DMD: variants seen among roughly 807,000 people sequenced by gnomAD.
DMD encodes the protein mutant dystrophin.
A neutral mutation model predicts 330.1 loss-of-function variants in DMD; 63 were observed. That is an observed-to-expected ratio of 0.19 (90% confidence interval 0.16 to 0.24). DMD has a LOEUF of 0.24. DMD is among the 10% of genes least tolerant of loss of function. The pLI is 1.00. For missense variants in DMD, 3,344 were observed against 2,684.1 expected (o/e 1.25, Z -5.43); for synonymous variants, 1,223 against 959.8 (o/e 1.27, Z -5.07).
chrX:31,845,551 T>C (rs761241379), intron 48 of DMD, among the ~76,000 whole-genome samples: 1 of 110,325 alleles, frequency 9.1e-6, no homozygotes, highest in East Asian at 2.9e-4. Context: ...AGCGGCAGAT[T>C]GGAGGCAAGA....
intron 44 of DMD, among the ~76,000 whole-genome samples, chrX:32,101,002 G>A (rs948746791): frequency 1.8e-5 from 2 of 111,779 alleles, no homozygotes; most frequent in Admixed American, 1.9e-4. Flanking sequence ...ACGAGTTGAT[G>A]TCTGGTTGCC....
At chrX:32,930,511 C>G (rs1297191219) in intron 2 of DMD, among the ~76,000 whole-genome samples, 4 of 110,991 alleles carry the variant, frequency 3.6e-5, no homozygotes, top group East Asian at 5.6e-4. Flanking sequence ...TATTTCCCAA[C>G]TAATCAAGAC....
At chrX:32,558,882 A>G (rs5928010) in intron 16 of DMD, among the ~76,000 whole-genome samples, 55,094 of 105,470 alleles carry the variant, frequency 0.52, 12,392 homozygotes, top group African/African-American at 0.83. Context: ...ATAGTTGGAG[A>G]TAGCAAAATG....
chrX:33,198,948 G>A (rs2051112679), intron 1 of DMD, among the ~76,000 whole-genome samples: 1 of 108,371 alleles, frequency 9.2e-6, no homozygotes, highest in Non-Finnish European at 1.9e-5. Flanking sequence ...CAAAAGTACT[G>A]TAGATAAAAA....
Position 31,412,978 on chromosome X carries a change from T to G in DMD, c.9084+31503A>C, listed in dbSNP as rs113221420. On this transcript the variant is annotated intron_variant, in intron 60 of 78. Transcript: ENST00000357033. ...ATGCATGAAGAAGCTGTCCTGTATT[T>G]TCATGTTATCTTCTTACTGAACATT... Among the ~76,000 whole-genome samples, 1,007 of 111,988 alleles carry G rather than the reference T, an allele frequency of 9.0e-3. 1 individual carries two copies. Among genetic ancestry groups the G allele is most frequent in the Non-Finnish European group, 0.015 (810 of 53,236 alleles).
intron 2 of DMD, among the ~76,000 whole-genome samples, chrX:32,852,232 TGAGACCCCC>T (rs1237316684): frequency 9.0e-5 from 10 of 111,569 alleles, no homozygotes; most frequent in Non-Finnish European, 3.8e-5. Context: ...GGCAGAGTCC[TGAGACCCCC>T]CATTCCAGGC....
At chrX:31,933,041 G>C (rs2094878632) in intron 45 of DMD, among the ~76,000 whole-genome samples, 1 of 111,528 alleles carries the variant, frequency 9.0e-6, no homozygotes, top group South Asian at 3.8e-4. Flanking sequence ...TGGGGGGTTG[G>C]GGGTGGGGAC....
intron 44 of DMD, among the ~76,000 whole-genome samples, chrX:32,154,632 A>G (rs2096821727): frequency 8.9e-6 from 1 of 111,865 alleles, no homozygotes; most frequent in Admixed American, 9.5e-5. Flanking sequence ...GGCTGCTTTC[A>G]GAAAACAATC....
chrX:32,828,925 T>C (rs183345333), intron 4 of DMD, among the ~76,000 whole-genome samples: 13 of 111,812 alleles, frequency 1.2e-4, no homozygotes, highest in African/African-American at 3.9e-4. Flanking sequence ...CATGTGTGAA[T>C]TGTCTGTTAA....
chrX:32,732,308 G>T (rs2067797995), intron 7 of DMD, among the ~76,000 whole-genome samples: 3 of 111,163 alleles, frequency 2.7e-5, no homozygotes, highest in African/African-American at 9.8e-5. Flanking sequence ...AAAGTGATGG[G>T]GAGAATGGAA....
At chrX:32,669,478 A>C (rs2061504535) in intron 9 of DMD, among the ~76,000 whole-genome samples, 1 of 111,883 alleles carries the variant, frequency 8.9e-6, no homozygotes, top group African/African-American at 3.3e-5. Flanking sequence ...GATCAACAAA[A>C]CAATCAATCA....
rs530568832 is a variant in DMD, at chrX:32,360,115, C to G, written c.5325+2673G>C. 1.6e-3 allele frequency among the ~76,000 whole-genome samples: 182 copies of G among 111,376 alleles called. No individual in the cohort carries two copies. The Middle Eastern group carries it at 0.018, about 11-fold the overall frequency. ...CCTTCTAAATCTATTGTTCTCTCTG[C>G]CGAGATCATCTCACCATTATTTGAA... On this transcript the variant is annotated intron_variant, in intron 37 of 78. Coordinates refer to ENST00000357033, the MANE Select transcript of DMD (RefSeq NM_004006.3).
At chrX:32,257,082 A>G (rs2097302450) in intron 43 of DMD, among the ~76,000 whole-genome samples, 1 of 112,048 alleles carries the variant, frequency 8.9e-6, no homozygotes, top group South Asian at 3.8e-4. Flanking sequence ...CAAAGAGAAT[A>G]AAGTGCCTAG....
intron 47 of DMD, among the ~76,000 whole-genome samples, chrX:31,915,945 C>CTATT (rs1302199839): frequency 1.8e-5 from 2 of 111,739 alleles, no homozygotes; most frequent in Non-Finnish European, 3.8e-5. Context: ...GAGTTGTAAC[C>CTATT]TATTTCCCTA....
chrX:33,232,245 T>C (rs1299067266), intron 1 of DMD, among the ~76,000 whole-genome samples: 1 of 112,038 alleles, frequency 8.9e-6, no homozygotes, highest in Non-Finnish European at 1.9e-5. Flanking sequence ...AACTTAGATC[T>C]ACATAAAGAA....
intron 7 of DMD, among the ~76,000 whole-genome samples, chrX:32,745,428 C>A (rs1278838484): frequency 1.8e-5 from 2 of 111,895 alleles, no homozygotes; most frequent in Admixed American, 1.9e-4. Context: ...TTTGAAATAC[C>A]TTAAAGCACA....
At chrX:31,314,891 T>C (rs1237048679) in intron 62 of DMD, among the ~76,000 whole-genome samples, 4 of 111,268 alleles carry the variant, frequency 3.6e-5, no homozygotes, top group Non-Finnish European at 7.5e-5. Flanking sequence ...TGAATGGGAT[T>C]TGGAGTTTTC....
At chrX:32,742,201 C>T (rs1355279886) in intron 7 of DMD, among the ~76,000 whole-genome samples, 2 of 111,898 alleles carry the variant, frequency 1.8e-5, no homozygotes, top group Non-Finnish European at 3.8e-5. Context: ...CATCTTCTGG[C>T]TTGTATCACT....
Position 31,201,887 on chromosome X carries a change from T to C in DMD, c.9807+2074A>G, listed in dbSNP as rs192408037. ...ACACGTGTGTGTGTTTCACTAGAAC[T>C]CAAAGAGTAACTGAGACTTGACTAA... On this transcript the variant is annotated intron_variant, in intron 67 of 78. Transcript: ENST00000357033. Among the ~76,000 whole-genome samples, 3 of 111,962 alleles carry C rather than the reference T, an allele frequency of 2.7e-5. No homozygotes were observed. The Admixed American group carries it at 2.8e-4, about 11-fold the overall frequency.
Sources: allele counts gnomAD v4.1 joint callset (sites outside exome capture counted in the v4.1 genomes callset), GRCh38; gene constraint gnomAD v4.1.1; transcripts MANE v1.5; gene names NCBI Gene and HGNC (gene_info 2026-07-23, HGNC 2026-07-21).